Variants in PIK3C2G observed in about 807,000 individuals in gnomAD.
PIK3C2G encodes the protein phosphatidylinositol 3-kinase C2 domain-containing subunit gamma.
A neutral mutation model predicts 181.1 loss-of-function variants in PIK3C2G; 168 were observed. The ratio of observed to expected loss-of-function variants is 0.93; its 90% CI spans 0.82 to 1.05. The LOEUF (loss-of-function observed/expected upper bound fraction) is 1.05, where lower values mean the gene tolerates loss of function less well. Among genes scored for constraint, PIK3C2G ranks in the 50% least tolerant of loss-of-function variants. PIK3C2G has a pLI of 0.00. For synonymous variants in PIK3C2G, 573 were observed against 592.2 expected, an observed-to-expected ratio of 0.97 and a Z score of 0.47; for missense variants, 1,869 against 1,732.8, an observed-to-expected ratio of 1.08 and a Z score of -1.40.
intron 24 of PIK3C2G, among the ~76,000 whole-genome samples, chr12:18,533,972 C>T (rs1286587366): frequency 1.9e-5 from 2 of 104,392 alleles, no homozygotes; most frequent in Admixed American, 1.4e-4. Context: ...TTTTCTGAGA[C>T]AGAGCCTTGC....
At chr12:18,371,427 A>T in intron 13 of PIK3C2G, 116 bp downstream of exon 13, 1 of 848,886 alleles carries the variant, frequency 1.2e-6, no homozygotes, top group Non-Finnish European at 1.7e-6. Flanking sequence ...TCTAAAATTG[A>T]CATAGTTCAA....
the PIK3C2G span, among the ~76,000 whole-genome samples, chr12:18,696,915 G>A: frequency 4.9e-4 from 75 of 151,964 alleles, no homozygotes; most frequent in Non-Finnish European, 9.4e-4. Context: ...TAATCTCTAC[G>A]TATTTGTAGT....
intron 24 of PIK3C2G, among the ~76,000 whole-genome samples, chr12:18,532,538 T>C (rs2136221227): frequency 6.6e-6 from 1 of 152,320 alleles, no homozygotes; most frequent in Admixed American, 6.5e-5. Flanking sequence ...TACATATGGG[T>C]GTCTAATTGT....
chr12:18,721,251 G>A, the PIK3C2G span, among the ~76,000 whole-genome samples: 2 of 151,994 alleles, frequency 1.3e-5, no homozygotes, highest in Non-Finnish European at 2.9e-5. Flanking sequence ...TTAATCACAT[G>A]GATTTTTAAA....
intron 18 of PIK3C2G, among the ~76,000 whole-genome samples, chr12:18,427,911 G>A (rs1945927032): frequency 6.6e-6 from 1 of 152,138 alleles, no homozygotes; most frequent in African/African-American, 2.4e-5. Flanking sequence ...TGAAAAAAGA[G>A]AAATAAAACA....
chr12:18,657,019 A>G, the PIK3C2G span, among the ~76,000 whole-genome samples: 1 of 152,230 alleles, frequency 6.6e-6, no homozygotes, highest in Admixed American at 6.5e-5. Flanking sequence ...AATAGATCTC[A>G]TTCTGACCAC....
chr12:18,268,286 C>T (rs994026342), intron 1 of PIK3C2G, among the ~76,000 whole-genome samples: 3 of 152,010 alleles, frequency 2.0e-5, no homozygotes, highest in Non-Finnish European at 4.4e-5. Flanking sequence ...TTTGCTTATT[C>T]AATTCATAAA....
chr12:18,338,630 C>T, intron 9 of PIK3C2G, 82 bp downstream of exon 9: 1 of 857,906 alleles, frequency 1.2e-6, no homozygotes, highest in Non-Finnish European at 1.9e-6. Flanking sequence ...TTTTTACTAA[C>T]AACTATATTT....
intron 1 of PIK3C2G, among the ~76,000 whole-genome samples, chr12:18,254,860 A>C (rs1948128209): frequency 6.6e-6 from 1 of 151,714 alleles, no homozygotes; most frequent in Non-Finnish European, 1.5e-5. Context: ...TCAAAATAAT[A>C]ATAATAATAA....
intron 31 of PIK3C2G, among the ~76,000 whole-genome samples, chr12:18,634,793 T>C (rs1279837120): frequency 6.6e-6 from 1 of 152,158 alleles, no homozygotes; most frequent in Non-Finnish European, 1.5e-5. Flanking sequence ...TGGCTCATCT[T>C]ATCCACTTCA....
At chr12:18,524,263 T>C (rs2136192481) in intron 24 of PIK3C2G, among the ~76,000 whole-genome samples, 1 of 152,324 alleles carries the variant, frequency 6.6e-6, no homozygotes, top group Admixed American at 6.5e-5. Context: ...GATGCTGTGC[T>C]AGCTTGAAGG....
At chr12:18,500,519 G>A (rs1158339288) in intron 22 of PIK3C2G, among the ~76,000 whole-genome samples, 1 of 152,224 alleles carries the variant, frequency 6.6e-6, no homozygotes. Context: ...CCTAAGGGCT[G>A]AGGAGTGTGG....
intron 13 of PIK3C2G, among the ~76,000 whole-genome samples, chr12:18,377,647 A>C (rs892473559): frequency 5.3e-5 from 8 of 152,328 alleles, no homozygotes; most frequent in African/African-American, 1.9e-4. Flanking sequence ...GGCAGGCTCC[A>C]GATGTCCTGA....
At chr12:18,607,089 T>G (rs1948067597) in intron 30 of PIK3C2G, 1 of 457,570 alleles carries the variant, frequency 2.2e-6, no homozygotes, top group Non-Finnish European at 4.3e-6. Flanking sequence ...ATAATTACAA[T>G]GTAACATTTC....
chr12:18,602,147 T>C (rs1947756733), intron 30 of PIK3C2G, among the ~76,000 whole-genome samples: 1 of 152,014 alleles, frequency 6.6e-6, no homozygotes, highest in Non-Finnish European at 1.5e-5. Context: ...GGGCAACTTT[T>C]CGAGCCTGAC....
intron 15 of PIK3C2G, among the ~76,000 whole-genome samples, chr12:18,393,587 G>C (rs1943674772): frequency 6.6e-6 from 1 of 151,922 alleles, no homozygotes; most frequent in Non-Finnish European, 1.5e-5. Context: ...AAAGACCCCA[G>C]AATGAAATAT....
intron 5 of PIK3C2G, among the ~76,000 whole-genome samples, chr12:18,303,955 G>A (rs1950316848): frequency 1.3e-5 from 2 of 151,244 alleles, no homozygotes; most frequent in African/African-American, 2.4e-5. Context: ...AAAAAAAAAA[G>A]AAATTCTACA....
intron 31 of PIK3C2G, among the ~76,000 whole-genome samples, chr12:18,635,343 G>T (rs907538538): frequency 6.6e-6 from 1 of 152,168 alleles, no homozygotes; most frequent in African/African-American, 2.4e-5. Flanking sequence ...ATCGTGACAC[G>T]CCATCAAGGC....
chr12:18,435,025 T>C (rs1413644040), intron 18 of PIK3C2G, among the ~76,000 whole-genome samples: 1 of 151,786 alleles, frequency 6.6e-6, no homozygotes, highest in Non-Finnish European at 1.5e-5. Flanking sequence ...ATTATTAAGA[T>C]ATTTATGTAG....
Sources: gnomAD v4.1 joint callset for allele counts (sites outside exome capture counted in the v4.1 genomes callset) on GRCh38, gnomAD v4.1.1 for gene constraint, MANE v1.5 for transcripts, NCBI Gene and HGNC (gene_info 2026-07-23, HGNC 2026-07-21) for gene names.